PGM5: variants seen among roughly 807,000 people sequenced by gnomAD.
PGM5 encodes the protein phosphoglucomutase-like protein 5.
Under a neutral mutation model 59.2 loss-of-function variants are expected in PGM5, and 23 were observed. The observed-to-expected ratio is 0.39, with a 90% CI of 0.28 to 0.55. The LOEUF is 0.55. Ranked by LOEUF, PGM5 falls within the 20% of genes least tolerant of loss-of-function variation. The pLI is 0.66. For missense variants in PGM5, 574 were observed against 748.3 expected (o/e 0.77, Z 2.72); for synonymous variants, 214 against 286.0 (o/e 0.75, Z 2.54).
At chr9:68,434,316 C>CAAAAAAAAAAAAA (rs71353054) in intron 6 of PGM5, among the ~76,000 whole-genome samples, 31 of 90,808 alleles carry the variant, frequency 3.4e-4, no homozygotes, top group Non-Finnish European at 4.5e-4. Context: ...GACTCCGTCT[C>CAAAAAAAAAAAAA]AAAAAAAAAA....
chr9:68,392,904 A>G (rs1822402906), intron 6 of PGM5, among the ~76,000 whole-genome samples: 1 of 152,164 alleles, frequency 6.6e-6, no homozygotes, highest in African/African-American at 2.4e-5. Flanking sequence ...ATGGGTTTTG[A>G]GGTCAGATTA....
rs782676024 is a variant in PGM5 at position 68,465,128 on chromosome 9, C to A, written c.1079C>A (p.Thr360Asn). The change falls in exon 7 of 11, where the codon ACC becomes AAC. Residue 360 changes from threonine (T) to asparagine (N), a missense_variant. Coordinates refer to ENST00000396396, the MANE Select transcript of PGM5 (RefSeq NM_021965.4). ...AKSMKVPVYE[T>N]PAGWRFFSNL... is the part of the protein sequence containing the mutation. ...TCAATGAAGGTCCCTGTATATGAGA[C>A]CCCAGCTGGATGGAGATTCTTCTCA... is the stretch of plus-strand genomic sequence containing the variant. 8.7e-6 allele frequency: 14 copies of A among 1,612,810 alleles called. No homozygotes were observed. The highest frequency in any genetic ancestry group is 1.2e-5 in the Non-Finnish European group (14 of 1,178,890).
intron 6 of PGM5, chr9:68,396,034 C>G: frequency 6.6e-6 from 1 of 151,642 alleles, no homozygotes; most frequent in East Asian, 1.9e-4. Context: ...ATTGAGAACT[C>G]AGAGTCATAT....
chr9:68,434,788 A>AT (rs1823419927), intron 6 of PGM5, among the ~76,000 whole-genome samples: 1 of 138,358 alleles, frequency 7.2e-6, no homozygotes, highest in African/African-American at 3.0e-5. Context: ...ACTCCATCTC[A>AT]AAAAAAAAAA....
intron 6 of PGM5, among the ~76,000 whole-genome samples, chr9:68,455,577 A>G (rs1554684740): frequency 6.6e-6 from 1 of 152,072 alleles, no homozygotes; most frequent in Non-Finnish European, 1.5e-5. Flanking sequence ...ATCTTGGGAA[A>G]TGTCCAGGCT....
chr9:68,396,080 T>A (rs1353481933), intron 6 of PGM5: 1 of 152,126 alleles, frequency 6.6e-6, no homozygotes, highest in Non-Finnish European at 1.5e-5. Flanking sequence ...TTTAATAATA[T>A]GGGAGTATAT....
At chr9:68,382,395 A>G (rs1241530469) in intron 2 of PGM5, among the ~76,000 whole-genome samples, 1 of 151,878 alleles carries the variant, frequency 6.6e-6, no homozygotes, top group Non-Finnish European at 1.5e-5. Flanking sequence ...AAGATCTGAA[A>G]CCATAAAAAT....
intron 1 of PGM5, among the ~76,000 whole-genome samples, chr9:68,358,181 C>A (rs1457146408): frequency 8.5e-5 from 13 of 152,196 alleles, no homozygotes; most frequent in Non-Finnish European, 1.5e-4. Flanking sequence ...CAATTCCCAA[C>A]TTCTCTCCAA....
At chr9:68,390,255 C>G (rs1401681536) in intron 4 of PGM5, among the ~76,000 whole-genome samples, 131 of 152,274 alleles carry the variant, frequency 8.6e-4, no homozygotes, top group African/African-American at 2.9e-3. Flanking sequence ...AGGTTCTTGC[C>G]TTAGCATTAT....
chr9:68,448,925 A>G (rs1334255285), intron 6 of PGM5, among the ~76,000 whole-genome samples: 2 of 152,168 alleles, frequency 1.3e-5, no homozygotes, highest in Non-Finnish European at 2.9e-5. Context: ...TTCTTCACCC[A>G]CTTGGGCTAC....
chr9:68,378,058 C>T (rs1821968160), intron 1 of PGM5, 141 bp from the exon 2 acceptor site: 1 of 781,610 alleles, frequency 1.3e-6, no homozygotes, highest in Non-Finnish European at 1.9e-6. Context: ...GCTCCCCCTA[C>T]CCTGCCTCCC....
At chr9:68,518,205 A>G (rs1824850684) in intron 10 of PGM5, among the ~76,000 whole-genome samples, 1 of 152,264 alleles carries the variant, frequency 6.6e-6, no homozygotes, top group African/African-American at 2.4e-5. Context: ...GAAGAAGACC[A>G]TTCCAAAGGT....
At chr9:68,492,884 T>G (rs943887788) in intron 9 of PGM5, among the ~76,000 whole-genome samples, 1 of 152,192 alleles carries the variant, frequency 6.6e-6, no homozygotes. Flanking sequence ...AAAATATGGT[T>G]CAGATGTTAC....
At chr9:68,520,159 A>C (rs1048938747) in intron 10 of PGM5, among the ~76,000 whole-genome samples, 10 of 151,432 alleles carry the variant, frequency 6.6e-5, no homozygotes, top group Middle Eastern at 3.2e-3. Flanking sequence ...AATACAGAAA[A>C]TTTGAAAGTT....
At chr9:68,519,897 C>CAATAAATAAATAAATAAATA (rs58819780) in intron 10 of PGM5, among the ~76,000 whole-genome samples, 10 of 139,792 alleles carry the variant, frequency 7.2e-5, no homozygotes, top group African/African-American at 1.1e-4. Flanking sequence ...CTTGTCTTTA[C>CAATAAATAAATAAATAAATA]AATAAATAAA....
intron 9 of PGM5, among the ~76,000 whole-genome samples, chr9:68,491,255 TG>T (rs1199754341): frequency 6.6e-6 from 1 of 152,188 alleles, no homozygotes; most frequent in Non-Finnish European, 1.5e-5. Context: ...AGAACTTATT[TG>T]GTGTGCATAG....
intron 9 of PGM5, among the ~76,000 whole-genome samples, chr9:68,487,002 T>C (rs1035609600): frequency 6.6e-6 from 1 of 152,222 alleles, no homozygotes; most frequent in Non-Finnish European, 1.5e-5. Flanking sequence ...ATGGATTATT[T>C]TTAAATTAAG....
At chr9:68,503,220 C>A (rs561576805) in intron 10 of PGM5, among the ~76,000 whole-genome samples, 1 of 152,270 alleles carries the variant, frequency 6.6e-6, no homozygotes, top group South Asian at 2.1e-4. Flanking sequence ...CCTAGATTTA[C>A]AACAGGGTTA....
intron 5 of PGM5, 62 bp downstream of exon 5, chr9:68,391,786 A>G: frequency 2.0e-6 from 3 of 1,537,052 alleles, no homozygotes; most frequent in Non-Finnish European, 2.7e-6. Context: ...TGCACTGGAA[A>G]GCAGAGAATT....
Sources: allele counts gnomAD v4.1 joint callset (sites outside exome capture counted in the v4.1 genomes callset), GRCh38; gene constraint gnomAD v4.1.1; transcripts MANE v1.5; gene names NCBI Gene and HGNC (gene_info 2026-07-23, HGNC 2026-07-21).